The following PHTF1 variants were observed in gnomAD, a reference collection of about 807,000 sequenced individuals.
PHTF1 encodes the protein putative homeodomain transcription factor 1.
Under a neutral mutation model 102.4 loss-of-function variants are expected in PHTF1, and 88 were observed. The observed-to-expected ratio is 0.86, with a 90% confidence interval of 0.72 to 1.03. The LOEUF (loss-of-function observed/expected upper bound fraction) is 1.03, where lower values mean the gene tolerates loss of function less well. PHTF1 is among the 50% of genes least tolerant of loss of function. The pLI is 0.00. For synonymous variants in PHTF1, 289 were observed against 305.2 expected (o/e 0.95, Z 0.55); for missense variants, 814 against 909.5 (o/e 0.89, Z 1.35).
At position 113,710,812 on chromosome 1, in the gene PHTF1, T is replaced by A. The variant is rs6679135; in HGVS notation, c.1048-337A>T. On this transcript the variant is annotated intron_variant, in intron 10 of 18. Coordinates refer to ENST00000369604, the MANE Select transcript of PHTF1 (RefSeq NM_001323043.2). ...CCCGGATATATATATATATATATAT[T>A]TTTTTTTTTTTTTTGTAAAGATGTG... 4.4e-3 allele frequency among the ~76,000 whole-genome samples: 263 copies of A among 59,402 alleles called. No individual in the cohort carries two copies. The East Asian group carries it at 0.097, about 22-fold the overall frequency. The allele number at this position is 59,402 out of a possible 152,430, so 39.0% of individuals were successfully genotyped here.
intron 7 of PHTF1, among the ~76,000 whole-genome samples, chr1:113,717,369 A>G (rs1405499010): frequency 1.3e-5 from 2 of 152,204 alleles, no homozygotes; most frequent in Non-Finnish European, 2.9e-5. Flanking sequence ...GTCCTTACTT[A>G]TCAATAATGG....
At chr1:113,732,199 A>C (rs1654757906) in intron 5 of PHTF1, among the ~76,000 whole-genome samples, 1 of 152,136 alleles carries the variant, frequency 6.6e-6, no homozygotes, top group Non-Finnish European at 1.5e-5. Flanking sequence ...GGAAAGCAGA[A>C]TAATGAAGAA....
chr1:113,711,097 A>G (rs1238372511), intron 10 of PHTF1, among the ~76,000 whole-genome samples: 2 of 152,254 alleles, frequency 1.3e-5, no homozygotes, highest in Non-Finnish European at 2.9e-5. Context: ...GACCCACTCA[A>G]TTGGCTTAGC....
chr1:113,741,898 T>A (rs1002938042), intron 3 of PHTF1, among the ~76,000 whole-genome samples: 1 of 152,168 alleles, frequency 6.6e-6, no homozygotes, highest in Non-Finnish European at 1.5e-5. Flanking sequence ...AATAAACTTA[T>A]GACTACTGAT....
intron 5 of PHTF1, among the ~76,000 whole-genome samples, chr1:113,728,399 A>T (rs1424288409): frequency 2.0e-5 from 3 of 152,236 alleles, no homozygotes; most frequent in South Asian, 4.1e-4. Flanking sequence ...CCACAATGAG[A>T]TATCATCTCA....
rs1233878533 is a variant in PHTF1, at chr1:113,724,888, A to G, written c.494T>C (p.Leu165Ser). Reference sequence around the variant, plus strand: ...CCCATCACCATTTACAGTTTTTCGTAATTTTCTACAAAAAAAAATTTCAAT... The same window carrying G: ...CCCATCACCATTTACAGTTTTTCGTGATTTTCTACAAAAAAAAATTTCAAT... ...GNNGNRRRRK[L>S]RKTVNGDGSR... Residue 165 changes from leucine to serine, a missense_variant, in exon 7 of 19, where the codon TTA becomes TCA. Physicochemically the swap from Leu to Ser is moderately radical, Grantham distance 145. Coordinates refer to ENST00000369604, the MANE Select transcript of PHTF1 (RefSeq NM_001323043.2). 6.3e-7 allele frequency: 1 copy of G among 1,588,894 alleles called. No homozygotes were observed. Among genetic ancestry groups the G allele is most frequent in the Admixed American group, 1.9e-5 (1 of 53,832 alleles).
chr1:113,753,196 CAT>C (rs1271627857), intron 3 of PHTF1, among the ~76,000 whole-genome samples: 1 of 152,186 alleles, frequency 6.6e-6, no homozygotes, highest in Non-Finnish European at 1.5e-5. Flanking sequence ...GATTTTCACA[CAT>C]ACATTCATAA....
chr1:113,702,691 A>G (rs1215009237), intron 15 of PHTF1, among the ~76,000 whole-genome samples: 3 of 152,310 alleles, frequency 2.0e-5, no homozygotes, highest in East Asian at 3.9e-4. Flanking sequence ...CCAAGCAACC[A>G]TAAGAGGAAA....
chr1:113,724,754 C>T lies in PHTF1; in HGVS notation c.623+5G>A, dbSNP rs758710548. 5.7e-6 allele frequency: 9 copies of T among 1,590,628 alleles called. No homozygotes were observed. The African/African-American group carries it at 1.2e-4, about 22-fold the overall frequency. The stretch of plus-strand genomic sequence containing the variant: ...AATACAAAATCAAGTAAAAAAGACT[C>T]CCACCTGTTGCCAAAGATAGTCTCC... On this transcript the variant is annotated splice_donor_5th_base_variant and intron_variant, in intron 7 of 18. Transcript: ENST00000369604.
At chr1:113,705,692 C>A (rs889842050) in intron 13 of PHTF1, 198 bp downstream of exon 13, 20 of 545,508 alleles carry the variant, frequency 3.7e-5, no homozygotes, top group Middle Eastern at 9.9e-4. Context: ...TGAGGCCTGG[C>A]AAAATTTCAG....
At chr1:113,698,079 T>G (rs1328261203) in intron 18 of PHTF1, among the ~76,000 whole-genome samples, 183 bp downstream of exon 18, 1 of 152,034 alleles carries the variant, frequency 6.6e-6, no homozygotes, top group Non-Finnish European at 1.5e-5. Context: ...ATGAGAAAAC[T>G]GAAGCTGAAA....
At chr1:113,750,266 C>T (rs74533448) in intron 3 of PHTF1, among the ~76,000 whole-genome samples, 15,506 of 152,044 alleles carry the variant, frequency 0.1, 1,037 homozygotes, top group East Asian at 0.23. Flanking sequence ...TAGGCGTGAG[C>T]GACCACGCAT....
chr1:113,741,420 G>A (rs1306859216), intron 3 of PHTF1, among the ~76,000 whole-genome samples: 4 of 152,162 alleles, frequency 2.6e-5, no homozygotes, highest in Admixed American at 6.5e-5. Context: ...ATTATCTTGT[G>A]TACTATATTC....
chr1:113,733,023 G>C (rs2101546705), intron 5 of PHTF1, among the ~76,000 whole-genome samples: 2 of 149,634 alleles, frequency 1.3e-5, no homozygotes, highest in Middle Eastern at 3.6e-3. Context: ...CAGCCTCATA[G>C]GTAGTTGAAA....
Position 113,726,427 on chromosome 1 carries a change from C to T in PHTF1, c.479G>A (p.Arg160Gln), listed in dbSNP as rs61817585. Residue 160 changes from arginine to glutamine, a missense_variant, in exon 6 of 19, where the codon CGA (arginine) becomes CAA (glutamine). Coordinates refer to ENST00000369604, the MANE Select transcript of PHTF1 (RefSeq NM_001323043.2). ...ITRPSGNNGN[R>Q]RRRKLRKTVN... ...TAATTTCTCATCTTACCTTCTTCTT[C>T]GATTTCCATTGTTTCCTGATGGTCT... The T allele has an allele frequency of 6.2e-6, 10 of 1,605,918 alleles. No individual in the cohort carries two copies. The highest frequency in any genetic ancestry group is 4.5e-5 in the East Asian group (2 of 44,646).
chr1:113,738,665 T>C (rs531179324), intron 4 of PHTF1, 65 bp downstream of exon 4: 189 of 932,520 alleles, frequency 2.0e-4, no homozygotes, highest in Non-Finnish European at 3.1e-4. Flanking sequence ...AGAGAAGATA[T>C]TGAAAATTAA....
rs34844793 is a variant in PHTF1, at chr1:113,701,826, TAAAAAAAAAAAAAAAA to T, written c.1891-893_1891-878del. Among the ~76,000 whole-genome samples, 32 of 28,004 alleles carry T rather than the reference TAAAAAAAAAAAAAAAA, an allele frequency of 1.1e-3. 1 individual carries two copies. Among genetic ancestry groups the T allele is most frequent in the Admixed American group, 2.5e-3 (5 of 2,030 alleles). The allele number at this position is 28,004 out of a possible 152,430, so 18.4% of individuals were successfully genotyped here. ...TGGCAACCTGGAATTCAATTCCTGG[TAAAAAAAAAAAAAAAA>T]AAAAAAAAAAAAAAAAATCATTCAG... On this transcript the variant is annotated intron_variant, in intron 15 of 18. Coordinates refer to ENST00000369604, the MANE Select transcript of PHTF1 (RefSeq NM_001323043.2).
chr1:113,728,544 T>C (rs918350229), intron 5 of PHTF1, among the ~76,000 whole-genome samples: 17 of 151,886 alleles, frequency 1.1e-4, no homozygotes, highest in Non-Finnish European at 1.3e-4. Context: ...AGCTTGGAGG[T>C]TCCTCAAATA....
intron 7 of PHTF1, among the ~76,000 whole-genome samples, chr1:113,724,495 C>G (rs1035888846): frequency 6.8e-6 from 1 of 146,726 alleles, no homozygotes; most frequent in African/African-American, 2.5e-5. Context: ...GAGCCAAGAT[C>G]GTGCCATTGC....
Sources: gnomAD v4.1 joint callset for allele counts (sites outside exome capture counted in the v4.1 genomes callset) on GRCh38, gnomAD v4.1.1 for gene constraint, MANE v1.5 for transcripts, NCBI Gene and HGNC (gene_info 2026-07-23, HGNC 2026-07-21) for gene names.